AATF: variants seen among roughly 807,000 people sequenced by gnomAD.
The protein encoded by AATF is apoptosis antagonizing transcription factor, also known as protein AATF.
In AATF, 48 loss-of-function variants were observed where a neutral mutation model predicts 63.7. The observed-to-expected ratio is 0.75, with a 90% CI of 0.60 to 0.96. The LOEUF (loss-of-function observed/expected upper bound fraction) is 0.96, where lower values mean the gene tolerates loss of function less well. Ranked by LOEUF, AATF falls within the 40% of genes least tolerant of loss-of-function variation. The pLI, the probability that AATF is intolerant of heterozygous loss-of-function variation, is 0.00. For synonymous variants in AATF, 258 were observed against 247.7 expected (o/e 1.04, Z -0.39); for missense variants, 639 against 685.7 (o/e 0.93, Z 0.76).
intron 4 of AATF, among the ~76,000 whole-genome samples, chr17:36,969,881 A>G (rs1001099327): frequency 6.6e-6 from 1 of 152,174 alleles, no homozygotes. Context: ...ATTTTCTAGA[A>G]ATCTATATAA....
intron 4 of AATF, among the ~76,000 whole-genome samples, chr17:36,969,226 A>G (rs376600412): frequency 6.6e-6 from 1 of 152,272 alleles, no homozygotes; most frequent in South Asian, 2.1e-4. Flanking sequence ...TCTTTATGAG[A>G]TCAAAATCTA....
At chr17:37,013,160 G>C (rs1567983923) in intron 8 of AATF, among the ~76,000 whole-genome samples, 1 of 152,072 alleles carries the variant, frequency 6.6e-6, no homozygotes, top group Non-Finnish European at 1.5e-5. Context: ...ATGGGCAAAG[G>C]GTCTGAATAG....
chr17:36,993,704 C>T (rs1346096344), intron 8 of AATF, among the ~76,000 whole-genome samples: 1 of 151,902 alleles, frequency 6.6e-6, no homozygotes, highest in Non-Finnish European at 1.5e-5. Context: ...ATAATACATT[C>T]CCCCTTTTTT....
At chr17:37,002,228 AGAAGCCACC>A in intron 8 of AATF, among the ~76,000 whole-genome samples, 1 of 151,826 alleles carries the variant, frequency 6.6e-6, no homozygotes, top group Admixed American at 6.6e-5. Flanking sequence ...AAAATACTAA[AGAAGCCACC>A]AAAAAACTAC....
intron 10 of AATF, among the ~76,000 whole-genome samples, chr17:37,021,730 G>A (rs2071472198): frequency 8.0e-6 from 1 of 125,190 alleles, no homozygotes; most frequent in Admixed American, 7.2e-5. Flanking sequence ...GCGTGAACCC[G>A]GGAGGCGGAG....
intron 8 of AATF, among the ~76,000 whole-genome samples, chr17:37,008,224 T>G (rs1272046448): frequency 6.6e-6 from 1 of 152,246 alleles, no homozygotes; most frequent in Non-Finnish European, 1.5e-5. Flanking sequence ...TTTCTGTTTA[T>G]TGAATACTTA....
At chr17:36,959,478 CT>C (rs948006765) in intron 4 of AATF, among the ~76,000 whole-genome samples, 3 of 152,126 alleles carry the variant, frequency 2.0e-5, no homozygotes, top group African/African-American at 7.2e-5. Flanking sequence ...AAAAACATGA[CT>C]GATTTGGATG....
chr17:37,014,017 T>G (rs1461804097), intron 8 of AATF, among the ~76,000 whole-genome samples: 1 of 152,190 alleles, frequency 6.6e-6, no homozygotes, highest in East Asian at 1.9e-4. Flanking sequence ...TTGCCTTTGC[T>G]TCTTCCCTGA....
chr17:37,020,875 C>T (rs907063734), intron 9 of AATF, 59 bp from the exon 10 acceptor site: 3 of 1,331,364 alleles, frequency 2.3e-6, no homozygotes, highest in South Asian at 1.4e-5. Context: ...TCCAATTTGT[C>T]AATATGTATA....
intron 7 of AATF, among the ~76,000 whole-genome samples, chr17:36,990,494 G>A (rs1437291808): frequency 2.6e-5 from 4 of 152,144 alleles, no homozygotes; most frequent in East Asian, 1.9e-4. Flanking sequence ...AATTTCAGTC[G>A]TAGAGGTGAA....
At chr17:36,968,614 T>G (rs1228823965) in intron 4 of AATF, among the ~76,000 whole-genome samples, 1 of 151,932 alleles carries the variant, frequency 6.6e-6, no homozygotes, top group Non-Finnish European at 1.5e-5. Flanking sequence ...TTTTATTGTT[T>G]GGGTTTTTTT....
At chr17:37,021,403 C>T (rs542859098) in intron 10 of AATF, among the ~76,000 whole-genome samples, 1 of 152,214 alleles carries the variant, frequency 6.6e-6, no homozygotes, top group South Asian at 2.1e-4. Flanking sequence ...CCGAGGTGGG[C>T]AGATCACTTG....
At chr17:36,964,946 T>G (rs922406279) in intron 4 of AATF, among the ~76,000 whole-genome samples, 2 of 152,216 alleles carry the variant, frequency 1.3e-5, no homozygotes, top group Admixed American at 6.5e-5. Context: ...AGGCTCTCTT[T>G]TGTTATCTCA....
chr17:36,949,250 C>G (rs749367470), intron 1 of AATF, 34 bp downstream of exon 1: 1 of 1,558,118 alleles, frequency 6.4e-7, no homozygotes, highest in South Asian at 1.2e-5. Flanking sequence ...ACGTGCGGAG[C>G]GGTGGGCCAG....
chr17:37,009,823 CAAA>C (rs1160362372), intron 8 of AATF, among the ~76,000 whole-genome samples: 8 of 28,800 alleles, frequency 2.8e-4, no homozygotes, highest in East Asian at 3.8e-3. Flanking sequence ...GACTCCGTCT[CAAA>C]AAAAAAAAAA....
At chr17:36,951,860 C>CT (rs2070857983) in intron 2 of AATF, among the ~76,000 whole-genome samples, 1 of 152,222 alleles carries the variant, frequency 6.6e-6, no homozygotes, top group African/African-American at 2.4e-5. Flanking sequence ...ACCTGTCACG[C>CT]TTTCCTAAAA....
intron 11 of AATF, chr17:37,056,382 G>A (rs1017562541): frequency 2.4e-5 from 13 of 536,282 alleles, no homozygotes; most frequent in African/African-American, 1.3e-4. Flanking sequence ...CCCTGGAGAC[G>A]GGTGTCCAGC....
chr17:36,990,745 C>T (rs1299287783), intron 7 of AATF, 29 bp from the exon 8 acceptor site: 1 of 1,418,486 alleles, frequency 7.0e-7, no homozygotes, highest in Non-Finnish European at 9.8e-7. Flanking sequence ...TGTTGGGATT[C>T]ACTCTTTTCT....
At chr17:36,989,043 G>GA (rs1287972088) in intron 6 of AATF, among the ~76,000 whole-genome samples, 1 of 151,838 alleles carries the variant, frequency 6.6e-6, no homozygotes, top group Non-Finnish European at 1.5e-5. Flanking sequence ...TCCGTGTGTA[G>GA]AAAAATGATA....
Sources: gnomAD v4.1 joint callset for allele counts (sites outside exome capture counted in the v4.1 genomes callset) on GRCh38, gnomAD v4.1.1 for gene constraint, MANE v1.5 for transcripts, NCBI Gene and HGNC (gene_info 2026-07-23, HGNC 2026-07-21) for gene names.